SNX18: variants seen among roughly 807,000 people sequenced by gnomAD.
SNX18 encodes the protein sorting nexin 18, also known as sorting nexin-18.
Under a neutral mutation model 48.7 loss-of-function variants are expected in SNX18, and 35 were observed. The ratio of observed to expected loss-of-function variants is 0.72; its 90% CI spans 0.55 to 0.95. The LOEUF (loss-of-function observed/expected upper bound fraction) is 0.95, where lower values mean the gene tolerates loss of function less well. Ranked by LOEUF, SNX18 falls within the 40% of genes least tolerant of loss-of-function variation. SNX18 has a pLI of 0.00. For synonymous variants in SNX18, 492 were observed against 384.7 expected (o/e 1.28, Z -3.26); for missense variants, 824 against 871.0 (o/e 0.95, Z 0.68).
At chr5:54,585,937 G>GGAGCTTGCAGTGCT in the SNX18 span, among the ~76,000 whole-genome samples, 1 of 151,628 alleles carries the variant, frequency 6.6e-6, no homozygotes, top group South Asian at 2.1e-4. Context: ...CCTGGGAGGC[G>GGAGCTTGCAGTGCT]GAGCTTGCAG....
chr5:54,567,358 A>G, the SNX18 span, among the ~76,000 whole-genome samples: 1 of 152,014 alleles, frequency 6.6e-6, no homozygotes, highest in African/African-American at 2.4e-5. Flanking sequence ...TGAGAGGTGG[A>G]GCGTGAAGGA....
rs774594140 is a variant in SNX18, at chr5:54,543,294, T to C, written c.1737T>C (p.Ala579=). 1.9e-6 allele frequency: 3 copies of C among 1,614,228 alleles called. No individual in the cohort carries two copies. The highest frequency in any genetic ancestry group is 2.2e-5 in the South Asian group (2 of 91,078). The change falls in exon 2 of 2, where the codon GCT becomes GCC. Residue 579 remains alanine (A), a synonymous_variant. Coordinates refer to ENST00000381410, the MANE Select transcript of SNX18 (RefSeq NM_001102575.2). The stretch of plus-strand genomic sequence containing the variant: ...ACACTATTTCTTTTGCCACTTTGGC[T>C]GAAATTCACCACTTCCATCAAATTC... ...RCNTISFATL[A]EIHHFHQIRV... is the part of the protein sequence containing the mutation.
chr5:54,589,903 C>T, the SNX18 span, among the ~76,000 whole-genome samples: 1 of 152,218 alleles, frequency 6.6e-6, no homozygotes, highest in Non-Finnish European at 1.5e-5. Flanking sequence ...CATTCTCCCA[C>T]CTCAGCCTCC....
At chr5:54,586,551 A>G in the SNX18 span, among the ~76,000 whole-genome samples, 1 of 152,326 alleles carries the variant, frequency 6.6e-6, no homozygotes, top group East Asian at 1.9e-4. Context: ...CAGAAGGAAT[A>G]TGAGCGTGCA....
At chr5:54,567,734 C>T in the SNX18 span, among the ~76,000 whole-genome samples, 1 of 152,180 alleles carries the variant, frequency 6.6e-6, no homozygotes, top group East Asian at 1.9e-4. Context: ...ACAGAAGTGG[C>T]CATGGGATGT....
At position 54,535,526 on chromosome 5, in the gene SNX18, T is replaced by C. The variant is rs140729597; in HGVS notation, c.1622-7653T>C. 4.5e-4 allele frequency among the ~76,000 whole-genome samples: 69 copies of C among 152,288 alleles called. No homozygotes were observed. The East Asian group carries it at 0.013, about 28-fold the overall frequency. On this transcript the variant is annotated intron_variant, in intron 1 of 1. Transcript: ENST00000381410. ...GAAAGGAAAGGACCCTTTTCAACAA[T>C]GTAGTAGGGTCAAGTCTCCATCTCA... is the stretch of plus-strand genomic sequence containing the variant.
chr5:54,522,665 A>G (rs1158353947), intron 1 of SNX18, among the ~76,000 whole-genome samples: 2 of 152,156 alleles, frequency 1.3e-5, no homozygotes, highest in African/African-American at 4.8e-5. Context: ...CATCTCTTGC[A>G]GTGTGCCTTT....
In SNX18 at chr5:54,519,016, G is replaced by T; in HGVS notation, c.1064G>T (p.Gly355Val). Residue 355 changes from glycine to valine, a missense_variant, in exon 1 of 2, where the codon GGC (glycine) becomes GTC (valine). Around this residue, in one of 3 missense-constraint regions of SNX18, gnomAD observed 443 missense variants for 503.6 expected, o/e 0.88. Coordinates refer to ENST00000381410, the MANE Select transcript of SNX18 (RefSeq NM_001102575.2). ...EEDFISKRRK[G>V]LIWWMNHMAS... ...GACTTCATCTCTAAGCGCAGGAAGG[G>T]CCTGATCTGGTGGATGAACCACATG... 1 of 1,613,416 alleles carries T rather than the reference G, an allele frequency of 6.2e-7. No homozygotes were observed. The highest frequency in any genetic ancestry group is 8.5e-7 in the Non-Finnish European group (1 of 1,179,682).
At position 54,517,933 on chromosome 5, in the gene SNX18, C is replaced by T; in HGVS notation, c.-20C>T. On this transcript the variant is annotated 5_prime_UTR_variant, in exon 1 of 2. Transcript: ENST00000381410. Reference sequence around the variant, plus strand: ...CTCGGGACGCCGGGAGTCGGGACCGCCAGTCGGGGCGCCGGGACCATGGCG... The same window carrying T: ...CTCGGGACGCCGGGAGTCGGGACCGTCAGTCGGGGCGCCGGGACCATGGCG... 2 of 1,494,478 alleles carry T rather than the reference C, an allele frequency of 1.3e-6. No homozygotes were observed. Among genetic ancestry groups the T allele is most frequent in the South Asian group, 1.3e-5 (1 of 79,936 alleles). 92.6% of individuals were successfully genotyped at this position (1,494,478 alleles called of 1,614,324 possible).
rs1762558022 is a variant in SNX18, at chr5:54,545,348, C to T, written c.*1916C>T. 1 of 151,662 alleles carries T rather than the reference C, an allele frequency of 6.6e-6. No individual in the cohort carries two copies. Among genetic ancestry groups the T allele is most frequent in the Non-Finnish European group, 1.5e-5 (1 of 67,942 alleles). 9.4% of individuals were successfully genotyped at this position (151,662 alleles called of 1,614,324 possible). On this transcript the variant is annotated 3_prime_UTR_variant, in exon 2 of 2. Transcript: ENST00000381410. ...TGAGTCTGTATTGGACAAATAAGCA[C>T]CATGCTTTTCAAATGATTTAAAAAT... is the stretch of plus-strand genomic sequence containing the variant.
the SNX18 span, among the ~76,000 whole-genome samples, chr5:54,562,687 A>G: frequency 2.0e-5 from 3 of 152,206 alleles, no homozygotes; most frequent in Non-Finnish European, 4.4e-5. Context: ...ATAAATGACT[A>G]TGTTTACCGG....
chr5:54,627,865 TAACTA>T, the SNX18 span, among the ~76,000 whole-genome samples: 2 of 152,180 alleles, frequency 1.3e-5, no homozygotes, highest in African/African-American at 4.8e-5. Flanking sequence ...TGAGAACCCA[TAACTA>T]AACACCCATT....
chr5:54,627,353 A>C, the SNX18 span, among the ~76,000 whole-genome samples: 2 of 152,132 alleles, frequency 1.3e-5, no homozygotes, highest in African/African-American at 4.8e-5. Flanking sequence ...AGCTTCTCTA[A>C]TGCTTCCTCT....
At chr5:54,627,226 A>G in the SNX18 span, among the ~76,000 whole-genome samples, 1 of 152,196 alleles carries the variant, frequency 6.6e-6, no homozygotes, top group Non-Finnish European at 1.5e-5. Flanking sequence ...TGAAAAGCAG[A>G]GCAATTAATA....
At chr5:54,616,614 A>G in the SNX18 span, among the ~76,000 whole-genome samples, 1 of 152,074 alleles carries the variant, frequency 6.6e-6, no homozygotes, top group African/African-American at 2.4e-5. Context: ...CTAAAAATAC[A>G]AAAAATTAGC....
At chr5:54,641,526 CA>C in the SNX18 span, among the ~76,000 whole-genome samples, 1 of 152,110 alleles carries the variant, frequency 6.6e-6, no homozygotes, top group Non-Finnish European at 1.5e-5. Context: ...GATCTTCCTA[CA>C]AACCTAGCCA....
chr5:54,606,390 T>C, the SNX18 span, among the ~76,000 whole-genome samples: 1 of 152,240 alleles, frequency 6.6e-6, no homozygotes, highest in Non-Finnish European at 1.5e-5. Context: ...CTTGCCTTTC[T>C]TTGTATTTCC....
At chr5:54,645,077 C>T in the SNX18 span, 1 of 152,252 alleles carries the variant, frequency 6.6e-6, no homozygotes, top group Non-Finnish European at 1.5e-5. Context: ...AAGCACTGCT[C>T]CAGATGTAGT....
chr5:54,528,867 C>T (rs1416908796), intron 1 of SNX18, among the ~76,000 whole-genome samples: 3 of 152,198 alleles, frequency 2.0e-5, no homozygotes, highest in Non-Finnish European at 2.9e-5. Flanking sequence ...TCTTGGCTGC[C>T]TCTCAGAACC....
Sources: allele counts gnomAD v4.1 joint callset (sites outside exome capture counted in the v4.1 genomes callset), GRCh38; gene constraint gnomAD v4.1.1; regional missense constraint gnomAD v4.1.1; transcripts MANE v1.5; gene names NCBI Gene and HGNC (gene_info 2026-07-23, HGNC 2026-07-21).